Variants in DAB1 observed in about 807,000 individuals in gnomAD.
The protein encoded by DAB1 is disabled homolog 1.
A neutral mutation model predicts 64.6 loss-of-function variants in DAB1; 15 were observed. That is an observed-to-expected ratio of 0.23 (90% CI 0.16 to 0.36). The LOEUF is 0.36. Among genes scored for constraint, DAB1 ranks in the 10% least tolerant of loss-of-function variants. The probability of loss-of-function intolerance (pLI) is 1.00; values close to 1 mark genes in which losing one functional copy is unlikely to be tolerated. For synonymous variants in DAB1, 235 were observed against 251.9 expected, an observed-to-expected ratio of 0.93 and a Z score of 0.64; for missense variants, 596 against 706.7, an observed-to-expected ratio of 0.84 and a Z score of 1.78.
chr1:57,127,433 G>T (rs985625794), intron 4 of DAB1, among the ~76,000 whole-genome samples: 1 of 152,216 alleles, frequency 6.6e-6, no homozygotes, highest in African/African-American at 2.4e-5. Flanking sequence ...GACAAAGGAA[G>T]TACAGTGGAA....
At chr1:58,356,167 T>C (rs1204739944) in intron 3 of DAB1, among the ~76,000 whole-genome samples, 1 of 152,186 alleles carries the variant, frequency 6.6e-6, no homozygotes, top group East Asian at 1.9e-4. Flanking sequence ...CATTATTCAT[T>C]TGGTGCTTGG....
At chr1:58,181,115 GTTCT>G (rs1275850670) in intron 4 of DAB1, among the ~76,000 whole-genome samples, 2 of 151,934 alleles carry the variant, frequency 1.3e-5, no homozygotes, top group Non-Finnish European at 2.9e-5. Flanking sequence ...TCTCCCTTCA[GTTCT>G]TTCTGTTTTT....
chr1:57,141,611 T>C (rs1048636578), intron 3 of DAB1, among the ~76,000 whole-genome samples: 10 of 152,316 alleles, frequency 6.6e-5, no homozygotes, highest in African/African-American at 2.4e-4. Context: ...TATCCTCATC[T>C]GGTCTTTCTG....
At chr1:57,797,241 T>C (rs1230060147) in intron 6 of DAB1, among the ~76,000 whole-genome samples, 2 of 152,194 alleles carry the variant, frequency 1.3e-5, no homozygotes, top group Non-Finnish European at 2.9e-5. Context: ...TAGATCCTCC[T>C]ACCACTAAGC....
At chr1:57,303,674 A>AAC (rs1263530199) in intron 1 of DAB1, among the ~76,000 whole-genome samples, 1 of 152,040 alleles carries the variant, frequency 6.6e-6, no homozygotes, top group African/African-American at 2.4e-5. Flanking sequence ...CAAACAAACA[A>AAC]AAAAAAACAG....
chr1:57,657,385 G>T (rs931029122), intron 6 of DAB1, among the ~76,000 whole-genome samples: 1 of 152,228 alleles, frequency 6.6e-6, no homozygotes, highest in Middle Eastern at 3.4e-3. Flanking sequence ...AACCCCTAGG[G>T]GAACCAATCA....
At chr1:57,426,331 A>G (rs1166156668), upstream of DAB1, among the ~76,000 whole-genome samples, 1 of 152,224 alleles carries the variant, frequency 6.6e-6, no homozygotes, top group Non-Finnish European at 1.5e-5. Flanking sequence ...ATTTCCCTGA[A>G]ATTCAACAGG....
At chr1:58,138,254 T>C (rs1448123616) in intron 5 of DAB1, among the ~76,000 whole-genome samples, 2 of 152,102 alleles carry the variant, frequency 1.3e-5, no homozygotes, top group Non-Finnish European at 2.9e-5. Context: ...TTGCCCTTAG[T>C]CATGCAGATA....
intron 4 of DAB1, among the ~76,000 whole-genome samples, chr1:58,193,969 C>G (rs1011304354): frequency 6.6e-6 from 1 of 152,132 alleles, no homozygotes; most frequent in African/African-American, 2.4e-5. Flanking sequence ...TTCAAAGGGT[C>G]TGCTCCAGCC....
chr1:57,989,968 C>A (rs1303122264), intron 5 of DAB1, among the ~76,000 whole-genome samples: 1 of 152,150 alleles, frequency 6.6e-6, no homozygotes, highest in African/African-American at 2.4e-5. Context: ...AGAGGTAAAT[C>A]AGGCACCATT....
chr1:57,720,463 G>A (rs768849326), intron 6 of DAB1, among the ~76,000 whole-genome samples: 1 of 152,326 alleles, frequency 6.6e-6, no homozygotes, highest in East Asian at 1.9e-4. Context: ...GTGTTCCCAA[G>A]GTCTGTTTTA....
chr1:57,552,427 G>C (rs539101875), intron 7 of DAB1, among the ~76,000 whole-genome samples: 7 of 152,134 alleles, frequency 4.6e-5, no homozygotes, highest in Non-Finnish European at 8.8e-5. Flanking sequence ...CATGGCTGGG[G>C]CTATGTAGAG....
intron 5 of DAB1, among the ~76,000 whole-genome samples, chr1:58,123,518 T>C (rs1215022803): frequency 1.3e-5 from 2 of 152,202 alleles, no homozygotes; most frequent in Non-Finnish European, 2.9e-5. Context: ...TCTTCTTTTA[T>C]CAAGATGAAA....
rs905847196 is a variant in DAB1 at position 58,072,092 on chromosome 1, G to GT, written n.387+78418_387+78419insA. The stretch of plus-strand genomic sequence containing the variant: ...CAAACATTATTGGTGGGGTGGGGGG[G>GT]GGTGGGTAGTAGGGAAGGTTTTGCA... On this transcript the variant is annotated intron_variant and non_coding_transcript_variant, in intron 5 of 20. Coordinates refer to the DAB1 transcript ENST00000485760. Among the ~76,000 whole-genome samples the GT allele has an allele frequency of 4.1e-5, 5 of 122,350 alleles. 1 individual carries two copies. Among genetic ancestry groups the GT allele is most frequent in the Non-Finnish European group, 6.9e-5 (4 of 58,282 alleles). 80.3% of individuals were successfully genotyped at this position (122,350 alleles called of 152,430 possible).
intron 7 of DAB1, among the ~76,000 whole-genome samples, chr1:57,600,988 C>T (rs1277629165): frequency 1.3e-5 from 2 of 152,030 alleles, no homozygotes; most frequent in African/African-American, 4.8e-5. Flanking sequence ...TTACAGTGGA[C>T]ATTTAATTTT....
intron 5 of DAB1, among the ~76,000 whole-genome samples, chr1:57,979,552 T>C (rs912762401): frequency 6.6e-6 from 1 of 152,114 alleles, no homozygotes; most frequent in African/African-American, 2.4e-5. Flanking sequence ...ACCCCAGAAC[T>C]TAAAGTATAA....
At chr1:58,095,775 G>C (rs911304771) in intron 5 of DAB1, among the ~76,000 whole-genome samples, 1 of 152,168 alleles carries the variant, frequency 6.6e-6, no homozygotes, top group Non-Finnish European at 1.5e-5. Flanking sequence ...GAGCCTGAAG[G>C]TACCAATTAT....
chr1:58,399,294 G>A (rs964040306), intron 3 of DAB1, among the ~76,000 whole-genome samples: 1 of 152,172 alleles, frequency 6.6e-6, no homozygotes, highest in Admixed American at 6.5e-5. Context: ...CACAGATTAG[G>A]CTTGTTTTGC....
chr1:57,462,729 G>T (rs9436130), intron 7 of DAB1, among the ~76,000 whole-genome samples: 45,592 of 152,004 alleles, frequency 0.3, 7,953 homozygotes, highest in Non-Finnish European at 0.41. Flanking sequence ...GCTAAGATTT[G>T]AACTTAAGAG....
Sources: gnomAD v4.1 joint callset for allele counts (sites outside exome capture counted in the v4.1 genomes callset) on GRCh38, gnomAD v4.1.1 for gene constraint, MANE v1.5 for transcripts, NCBI Gene and HGNC (gene_info 2026-07-23, HGNC 2026-07-21) for gene names.